HRAS: variants seen among roughly 807,000 people sequenced by gnomAD.
HRAS encodes the protein GTPase HRas.
In HRAS, 11 loss-of-function variants were observed where a neutral mutation model predicts 19.8. The ratio of observed to expected loss-of-function variants is 0.55; its 90% CI spans 0.35 to 0.92. The LOEUF (loss-of-function observed/expected upper bound fraction) is 0.92. Ranked by LOEUF, HRAS falls within the 40% of genes least tolerant of loss-of-function variation. The probability of loss-of-function intolerance (pLI) is 0.01; values close to 1 mark genes in which losing one functional copy is unlikely to be tolerated. For missense variants in HRAS, 204 were observed against 255.9 expected, an observed-to-expected ratio of 0.80 and a Z score of 1.38; for synonymous variants, 149 against 105.5, an observed-to-expected ratio of 1.41 and a Z score of -2.52.
rs948419228 is a variant in HRAS at position 532,402 on chromosome 11, C to G, written c.*126G>C. 1 of 619,702 alleles carries G rather than the reference C, an allele frequency of 1.6e-6. No homozygotes were observed. Among genetic ancestry groups the G allele is most frequent in the South Asian group, 1.9e-5 (1 of 51,442 alleles). 38.4% of individuals were successfully genotyped at this position (619,702 alleles called of 1,614,324 possible). A position where few individuals can be genotyped will look rare whatever the true frequency, so the allele number is the denominator to read the frequency against. On this transcript the variant is annotated 3_prime_UTR_variant, in exon 6 of 6. Coordinates refer to ENST00000311189, the MANE Select transcript of HRAS (RefSeq NM_005343.4). ...GAGGGTCTGCAGTCACCTCGGCCCA[C>G]GGTCCCGGGGTGACTGGGCTCCAGC...
chr11:532,496 C>A lies in HRAS; in HGVS notation c.*32G>T. The A allele has an allele frequency of 8.5e-7, 1 of 1,171,992 alleles. No homozygotes were observed. The highest frequency in any genetic ancestry group is 1.2e-6 in the Non-Finnish European group (1 of 830,668). The allele number at this position is 1,171,992 out of a possible 1,614,324, so 72.6% of individuals were successfully genotyped here. ...TTCCGTCTGCACCTCCTTCCTGCAT[C>A]CGGCACCTCCATGTCCTGAGCTTGT... On this transcript the variant is annotated 3_prime_UTR_variant, in exon 6 of 6. Transcript: ENST00000311189.
chr11:533,210 C>G (rs1851214212), intron 4 of HRAS: 2 of 1,368,360 alleles, frequency 1.5e-6, no homozygotes, highest in Admixed American at 2.0e-5. Flanking sequence ...CGGCCCAGGA[C>G]TGCAGGGCGT....
intron 1 of HRAS, chr11:534,670 C>G (rs1851345301): frequency 2.5e-6 from 1 of 393,018 alleles, no homozygotes; most frequent in Non-Finnish European, 4.7e-6. Flanking sequence ...GCTGCTGGGT[C>G]GGCAGAAAGG....
chr11:533,010 G>GA lies in HRAS; in HGVS notation c.451-256_451-255insT, dbSNP rs1315818334. Among the ~76,000 whole-genome samples, 516 of 152,310 alleles carry GA rather than the reference G, an allele frequency of 3.4e-3. 4 individuals carry two copies. The highest frequency in any genetic ancestry group is 0.012 in the African/African-American group (488 of 41,554). On this transcript the variant is annotated intron_variant, in intron 4 of 5. Transcript: ENST00000311189. ...CCTCCTGAACTCCAGGTCTGGCCAG[G>GA]GTTTGACCACCCTGCACCCAGCTCT...
At chr11:533,188 C>G in intron 4 of HRAS, 4 of 1,220,520 alleles carry the variant, frequency 3.3e-6, no homozygotes, top group South Asian at 1.4e-5. Context: ...TCCGCCTTCC[C>G]CGGAGCTGTG....
At chr11:533,274 T>TAA (rs765876501) in intron 4 of HRAS, 179 bp downstream of exon 4, 1 of 1,583,654 alleles carries the variant, frequency 6.3e-7, no homozygotes, top group Non-Finnish European at 8.5e-7. Flanking sequence ...CCGGGAGACT[T>TAA]ACAGCGCGAG....
Position 535,531 on chromosome 11 carries a change from C to T in HRAS, c.-169G>A, listed in dbSNP as rs1177765127. 6.8e-6 allele frequency: 1 copy of T among 147,922 alleles called. No individual in the cohort carries two copies. Among genetic ancestry groups the T allele is most frequent in the Non-Finnish European group, 1.5e-5 (1 of 66,030 alleles). The allele number at this position is 147,922 out of a possible 1,614,324, so 9.2% of individuals were successfully genotyped here. On this transcript the variant is annotated 5_prime_UTR_variant, in exon 1 of 6. Coordinates refer to ENST00000311189, the MANE Select transcript of HRAS (RefSeq NM_005343.4). ...GGCTCCGTCCGCGGCGGGTGCGGCT[C>T]GGGTTGCGGGCGCAGGGCACGGGCG...
At chr11:534,653 A>C in intron 1 of HRAS, 16 of 418,540 alleles carry the variant, frequency 3.8e-5, no homozygotes, top group Non-Finnish European at 4.9e-5. Context: ...ACGCACCCAA[A>C]TTAGAAGCTG....
At position 533,718 on chromosome 11, in the gene HRAS, G is replaced by A. The variant is rs374666128; in HGVS notation, c.290+48C>T. 34 of 1,611,416 alleles carry A rather than the reference G, an allele frequency of 2.1e-5. No homozygotes were observed. In the African/African-American group the frequency reaches 2.5e-4, roughly 12 times the overall value. On this transcript the variant is annotated intron_variant, in intron 3 of 5. Transcript: ENST00000311189. ...CCCCTGCCTGGACGCAGCCGGCCTGGCCCCACCTGTGCGGCGTGGGCTCCC... is the reference window on the plus strand; with the variant it reads ...CCCCTGCCTGGACGCAGCCGGCCTGACCCCACCTGTGCGGCGTGGGCTCCC...
At position 532,669 on chromosome 11, in the gene HRAS, G is replaced by A. The variant is rs371316832; in HGVS notation, c.537C>T (p.Pro179=). The A allele has an allele frequency of 1.3e-5, 21 of 1,612,768 alleles. No individual in the cohort carries two copies. The highest frequency in any genetic ancestry group is 4.0e-5 in the African/African-American group (3 of 74,934). The change falls in exon 5 of 6, where the codon CCC becomes CCT. Residue 179 remains proline, a synonymous_variant. Transcript: ENST00000311189. ...RKLNPPDESG[P]GCMSCKCVLS ...GCACACACTTGCAGCTCATGCAGCC[G>A]GGGCCACTCTCATCAGGAGGGTTCA... is the stretch of plus-strand genomic sequence containing the variant.
chr11:534,254 C>T lies in HRAS; in HGVS notation c.69G>A (p.Leu23=), dbSNP rs1589793671. The change falls in exon 2 of 6, where the codon CTG becomes CTA. Residue 23 remains leucine, a synonymous_variant. Transcript: ENST00000311189. The part of the protein sequence containing the change: ...GVGKSALTIQ[L]IQNHFVDEYD... ...ATTCGTCCACAAAATGGTTCTGGAT[C>T]AGCTGGATGGTCAGCGCACTCTTGC... 8.1e-6 allele frequency: 13 copies of T among 1,613,750 alleles called. No individual in the cohort carries two copies. The highest frequency in any genetic ancestry group is 1.1e-5 in the Non-Finnish European group (13 of 1,179,924).
rs1851173218 is a variant in HRAS, at chr11:532,640, G to A, written c.566C>T (p.Ser189Phe). The A allele has an allele frequency of 6.2e-7, 1 of 1,611,538 alleles. No homozygotes were observed. The highest frequency in any genetic ancestry group is 1.3e-5 in the African/African-American group (1 of 74,930). The part of the protein sequence containing the change: ...PGCMSCKCVL[S>F] Reference sequence around the variant, plus strand: ...TGGGAGTCCCCCTCACCTGCGTCAGGAGAGCACACACTTGCAGCTCATGCA... The same window carrying A: ...TGGGAGTCCCCCTCACCTGCGTCAGAAGAGCACACACTTGCAGCTCATGCA... Residue 189 changes from serine (S) to phenylalanine (F), a missense_variant, in exon 5 of 6, where the codon TCC (serine) becomes TTC (phenylalanine). Ser to Phe is a radical substitution (Grantham distance 155, BLOSUM62 -2). Around this residue, in one of 4 missense-constraint regions of HRAS, gnomAD observed 142 missense variants for 141.1 expected, o/e 1.01. Coordinates refer to ENST00000311189, the MANE Select transcript of HRAS (RefSeq NM_005343.4).
chr11:533,993 G>A (rs769271828), intron 2 of HRAS, 49 bp from the exon 3 acceptor site: 25 of 1,580,250 alleles, frequency 1.6e-5, no homozygotes, highest in East Asian at 2.2e-5. Flanking sequence ...TCCGTGGGGG[G>A]AGTTCACACA....
At position 532,573 on chromosome 11, in the gene HRAS, G is replaced by A. The variant is rs3730376; in HGVS notation, c.*6-51C>T. ...TGACCGCAGGCCAGGAGACCGGCAG[G>A]GGCGGGGAGCCGGGGTCATCCGGTG... On this transcript the variant is annotated intron_variant, in intron 5 of 5. Coordinates refer to ENST00000311189, the MANE Select transcript of HRAS (RefSeq NM_005343.4). 124 of 1,575,788 alleles carry A rather than the reference G, an allele frequency of 7.9e-5. 2 individuals carry two copies. In the East Asian group the frequency reaches 2.7e-3, roughly 35 times the overall value.
chr11:533,954 G>A lies in HRAS; in HGVS notation c.112-10C>T, dbSNP rs727503092. 8.7e-6 allele frequency: 14 copies of A among 1,609,066 alleles called. No homozygotes were observed. The highest frequency in any genetic ancestry group is 4.5e-5 in the East Asian group (2 of 44,896). On this transcript the variant is annotated splice_polypyrimidine_tract_variant and intron_variant, in intron 2 of 5. Coordinates refer to ENST00000311189, the MANE Select transcript of HRAS (RefSeq NM_005343.4). ...GCTTCCGGTAGGAATCCTGCAGGAG[G>A]ACAGGGCTCAGGGACCCCCTCAGGA...
At chr11:533,145 C>T (rs1452451463) in intron 4 of HRAS, 16 of 827,296 alleles carry the variant, frequency 1.9e-5, no homozygotes, top group East Asian at 1.3e-4. Context: ...GTCACCGCTC[C>T]GGCCTGGCTC....
chr11:532,815 G>A, intron 4 of HRAS, 60 bp from the exon 5 acceptor site: 1 of 1,549,438 alleles, frequency 6.5e-7, no homozygotes, highest in Non-Finnish European at 8.9e-7. Flanking sequence ...CTGGGTGAGG[G>A]GCTCCCTGCT....
rs1228485420 is a variant in HRAS, at chr11:535,524, T to TGCGGCTCGGGTTGCGGGC, written c.-180_-163dup. 9.6e-5 allele frequency: 14 copies of TGCGGCTCGGGTTGCGGGC among 146,578 alleles called. No individual in the cohort carries two copies. The highest frequency in any genetic ancestry group is 2.0e-4 in the Non-Finnish European group (13 of 65,780). The allele number at this position is 146,578 out of a possible 1,614,324, so 9.1% of individuals were successfully genotyped here. A position where few individuals can be genotyped will look rare whatever the true frequency, so the allele number is the denominator to read the frequency against. On this transcript the variant is annotated 5_prime_UTR_variant, in exon 1 of 6. Coordinates refer to ENST00000311189, the MANE Select transcript of HRAS (RefSeq NM_005343.4). ...GCGCATGGGCTCCGTCCGCGGCGGGTGCGGCTCGGGTTGCGGGCGCAGGGC... is the reference window on the plus strand; with the variant it reads ...GCGCATGGGCTCCGTCCGCGGCGGGTGCGGCTCGGGTTGCGGGCGCGGCTCGGGTTGCGGGCGCAGGGC...
intron 4 of HRAS, 105 bp from the exon 5 acceptor site, chr11:532,860 A>C: frequency 8.7e-7 from 1 of 1,145,326 alleles, no homozygotes; most frequent in Admixed American, 1.9e-5. Context: ...GAAGCTCCCG[A>C]CTCCACCAGC....
Sources: allele counts gnomAD v4.1 joint callset (sites outside exome capture counted in the v4.1 genomes callset), GRCh38; gene constraint gnomAD v4.1.1; regional missense constraint gnomAD v4.1.1; transcripts MANE v1.5; gene names NCBI Gene and HGNC (gene_info 2026-07-23, HGNC 2026-07-21).